CACNA1C: variants seen among roughly 807,000 people sequenced by gnomAD.
CACNA1C encodes the protein voltage-dependent L-type calcium channel subunit alpha-1C.
A neutral mutation model predicts 229.0 loss-of-function variants in CACNA1C; 30 were observed. That is an observed-to-expected ratio of 0.13 (90% CI 0.10 to 0.18). The LOEUF (loss-of-function observed/expected upper bound fraction) is 0.18, where lower values mean the gene tolerates loss of function less well. Among genes scored for constraint, CACNA1C ranks in the 10% least tolerant of loss-of-function variants. The pLI is 1.00. For missense variants in CACNA1C, 1,658 were observed against 2,845.0 expected (o/e 0.58, Z 9.49); for synonymous variants, 1,114 against 1,132.5 (o/e 0.98, Z 0.33).
At chr12:2,324,621 T>C (rs1308252594) in intron 3 of CACNA1C, among the ~76,000 whole-genome samples, 1 of 152,254 alleles carries the variant, frequency 6.6e-6, no homozygotes, top group South Asian at 2.1e-4. Flanking sequence ...ATGTTTCAGC[T>C]GCTTCTCTGC....
At chr12:2,121,929 C>CA (rs1428039848) in intron 3 of CACNA1C, among the ~76,000 whole-genome samples, 2 of 152,174 alleles carry the variant, frequency 1.3e-5, no homozygotes, top group Non-Finnish European at 2.9e-5. Flanking sequence ...AAGGCCCATG[C>CA]AGTGGTGAAG....
At chr12:2,463,672 A>T (rs930532050) in intron 5 of CACNA1C, among the ~76,000 whole-genome samples, 16 of 152,198 alleles carry the variant, frequency 1.1e-4, no homozygotes, top group African/African-American at 3.1e-4. Flanking sequence ...ACACAAAGGA[A>T]GGAGAGTGGC....
rs933868781 is a variant in CACNA1C, at chr12:2,346,579, T to G, written c.478-102397T>G. 1.3e-5 allele frequency among the ~76,000 whole-genome samples: 2 copies of G among 152,106 alleles called. No individual in the cohort carries two copies. The highest frequency in any genetic ancestry group is 4.8e-5 in the African/African-American group (2 of 41,408). Reference sequence around the variant, plus strand: ...GTGGCTCAGTCACATACTCCCCCATTTCTCTTAGCCGGCCCCAGTGTGTGT... The same window carrying G: ...GTGGCTCAGTCACATACTCCCCCATGTCTCTTAGCCGGCCCCAGTGTGTGT... On this transcript the variant is annotated intron_variant, in intron 3 of 46. Transcript: ENST00000399655. This position sits in a 1 kb window ranked among gnomAD's most constrained non-coding sequence, Gnocchi z 4.4.
At chr12:2,271,966 C>T (rs757555100) in intron 3 of CACNA1C, among the ~76,000 whole-genome samples, 1 of 152,220 alleles carries the variant, frequency 6.6e-6, no homozygotes, top group African/African-American at 2.4e-5. Flanking sequence ...CAAATGTTTG[C>T]TCTTATTTAT....
chr12:2,569,327 C>A lies in CACNA1C; in HGVS notation c.1895+1533C>A, dbSNP rs564814104. 2.5e-3 allele frequency among the ~76,000 whole-genome samples: 377 copies of A among 151,748 alleles called. 2 individuals are homozygous for A. The highest frequency in any genetic ancestry group is 8.9e-3 in the African/African-American group (369 of 41,466). ...AAACATACTGAAATATAATTCATATCCCATATATTTACCCCTTACAATGTG... is the reference window on the plus strand; with the variant it reads ...AAACATACTGAAATATAATTCATATACCATATATTTACCCCTTACAATGTG... On this transcript the variant is annotated intron_variant, in intron 13 of 46. Transcript: ENST00000399655.
At chr12:2,529,010 G>A in intron 9 of CACNA1C, among the ~76,000 whole-genome samples, 1 of 152,172 alleles carries the variant, frequency 6.6e-6, no homozygotes, top group Admixed American at 6.5e-5. Context: ...AATGACTTAA[G>A]CAACCATTAT....
At chr12:2,508,678 A>G (rs1046828547) in intron 8 of CACNA1C, among the ~76,000 whole-genome samples, 2 of 152,166 alleles carry the variant, frequency 1.3e-5, no homozygotes, top group African/African-American at 4.8e-5. Context: ...AAAAATTTTT[A>G]ATGGAAATTC....
At chr12:2,296,886 G>T (rs1292306551) in intron 3 of CACNA1C, among the ~76,000 whole-genome samples, 7 of 152,190 alleles carry the variant, frequency 4.6e-5, no homozygotes, top group African/African-American at 1.4e-4. Flanking sequence ...CAGGGGAAGA[G>T]AAAACTTTAC....
intron 3 of CACNA1C, among the ~76,000 whole-genome samples, chr12:2,294,752 C>T (rs555594329): frequency 7.2e-5 from 11 of 152,250 alleles, no homozygotes; most frequent in South Asian, 4.2e-4. Flanking sequence ...CTCTGGCAGC[C>T]GCTGGGACTG....
At position 2,022,499 on chromosome 12, in the gene CACNA1C, C is replaced by T. The variant is rs1329224647; in HGVS notation, c.139+51298C>T. Among the ~76,000 whole-genome samples the T allele has an allele frequency of 4.0e-5, 6 of 149,476 alleles. No individual in the cohort carries two copies. The East Asian group carries it at 5.9e-4, about 15-fold the overall frequency. Reference sequence around the variant, plus strand: ...TTTTTTTGAGACAGAGTCTCACCCTCGGGGGAGTGCAGTGGCACAGTCATA... The same window carrying T: ...TTTTTTTGAGACAGAGTCTCACCCTTGGGGGAGTGCAGTGGCACAGTCATA... On this transcript the variant is annotated intron_variant, in intron 1 of 46. Transcript: ENST00000682462.
chr12:2,612,666 G>C (rs1239464181), intron 29 of CACNA1C: 2 of 152,256 alleles, frequency 1.3e-5, no homozygotes, highest in Non-Finnish European at 2.9e-5. Flanking sequence ...AATGAGGCAG[G>C]GTCAGAATTC....
At chr12:1,982,551 A>G (rs1264544147) in intron 1 of CACNA1C, among the ~76,000 whole-genome samples, 2 of 150,352 alleles carry the variant, frequency 1.3e-5, no homozygotes, top group African/African-American at 4.9e-5. Flanking sequence ...ATATAATTTT[A>G]TTCTCTTTTG....
intron 3 of CACNA1C, among the ~76,000 whole-genome samples, chr12:2,199,560 C>A (rs2097525070): frequency 1.3e-5 from 2 of 151,526 alleles, no homozygotes; most frequent in Non-Finnish European, 2.9e-5. Flanking sequence ...GCCTTCTGGT[C>A]AATAGTAGGC....
chr12:2,080,227 A>G (rs1031770133), intron 1 of CACNA1C, among the ~76,000 whole-genome samples: 6 of 152,022 alleles, frequency 3.9e-5, no homozygotes, highest in African/African-American at 1.2e-4. Context: ...GTGCCACTGC[A>G]CTCCAGACTG....
chr12:2,625,482 G>A (rs2085895721), intron 29 of CACNA1C, among the ~76,000 whole-genome samples: 1 of 152,208 alleles, frequency 6.6e-6, no homozygotes, highest in Non-Finnish European at 1.5e-5. Context: ...CCTGCGCTGG[G>A]TCAGCCTGCC....
chr12:2,398,347 G>GT (rs1000192226), intron 3 of CACNA1C, among the ~76,000 whole-genome samples: 1 of 152,200 alleles, frequency 6.6e-6, no homozygotes, highest in Non-Finnish European at 1.5e-5. Flanking sequence ...AGCAAGATGT[G>GT]TTTTTTCATC....
intron 5 of CACNA1C, among the ~76,000 whole-genome samples, chr12:2,464,466 G>C (rs2099536490): frequency 6.6e-6 from 1 of 152,218 alleles, no homozygotes; most frequent in Non-Finnish European, 1.5e-5. Flanking sequence ...TTGGAGTTCA[G>C]AGAATATCTC....
chr12:2,108,779 T>C lies in CACNA1C; in HGVS notation c.50-6445T>C, dbSNP rs1298239205. ...CCTCTCTGTTCACGTCCTCCAGCTA[T>C]CTGTGTACTGCAATAGATAGGGAAG... On this transcript the variant is annotated intron_variant, in intron 1 of 46. Transcript: ENST00000399655. The surrounding 1 kb of genome is among the most constrained non-coding windows in gnomAD (Gnocchi z 5.3). 6.6e-6 allele frequency among the ~76,000 whole-genome samples: 1 copy of C among 152,206 alleles called. No homozygotes were observed. The highest frequency in any genetic ancestry group is 1.5e-5 in the Non-Finnish European group (1 of 68,034).
chr12:2,524,569 C>T (rs1005783640), intron 9 of CACNA1C, among the ~76,000 whole-genome samples: 1 of 152,252 alleles, frequency 6.6e-6, no homozygotes, highest in Admixed American at 6.5e-5. Flanking sequence ...TTACTTTTCA[C>T]CCCACGGTGG....
Sources: allele counts gnomAD v4.1 joint callset (sites outside exome capture counted in the v4.1 genomes callset), GRCh38; gene constraint gnomAD v4.1.1; non-coding constraint Gnocchi (gnomAD v3.1); transcripts MANE v1.5; gene names NCBI Gene and HGNC (gene_info 2026-07-23, HGNC 2026-07-21).